The following APP variants were observed in gnomAD, a reference collection of about 807,000 sequenced individuals.
APP encodes the protein amyloid beta precursor protein.
APP carries 31 observed loss-of-function variants against 101.4 expected under a neutral mutation model. The observed-to-expected ratio is 0.31, with a 90% CI of 0.23 to 0.41. The LOEUF (loss-of-function observed/expected upper bound fraction) is 0.41. Ranked by LOEUF, APP falls within the 10% of genes least tolerant of loss-of-function variation. The pLI, the probability that APP is intolerant of heterozygous loss-of-function variation, is 1.00. For synonymous variants in APP, 366 were observed against 364.4 expected (o/e 1.00, Z -0.05); for missense variants, 839 against 1,003.7 (o/e 0.84, Z 2.22).
At position 26,021,887 on chromosome 21, in the gene APP, G is replaced by A; in HGVS notation, c.818C>T (p.Ala273Val). Residue 273 changes from alanine to valine, a missense_variant, in exon 6 of 18, where the codon GCC becomes GTC. Coordinates refer to ENST00000346798, the MANE Select transcript of APP (RefSeq NM_000484.4). ...EEATERTTSIATTTTTTTESV... is the reference protein window; with the variant it reads ...EEATERTTSIVTTTTTTTESV... ...CTCTGTGGTGGTGGTGGTGGTGGTG[G>A]CAATGCTGGTGGTTCTCTCTGTGGC... 1 of 1,613,530 alleles carries A rather than the reference G, an allele frequency of 6.2e-7. No homozygotes were observed. Among genetic ancestry groups the A allele is most frequent in the Non-Finnish European group, 8.5e-7 (1 of 1,179,796 alleles).
At chr21:26,007,801 A>G (rs1191695037) in intron 6 of APP, among the ~76,000 whole-genome samples, 1 of 152,220 alleles carries the variant, frequency 6.6e-6, no homozygotes, top group Non-Finnish European at 1.5e-5. Flanking sequence ...ATAGAAAAGA[A>G]CATTTTTCAA....
intron 1 of APP, among the ~76,000 whole-genome samples, chr21:26,117,521 G>A (rs1287087275): frequency 6.6e-6 from 1 of 152,188 alleles, no homozygotes; most frequent in Non-Finnish European, 1.5e-5. Context: ...CCATAAGAGG[G>A]AGGAAAGGGC....
chr21:25,952,126 A>C (rs2146477662), intron 13 of APP, among the ~76,000 whole-genome samples: 1 of 151,060 alleles, frequency 6.6e-6, no homozygotes, highest in Non-Finnish European at 1.5e-5. Flanking sequence ...TATATTTAGA[A>C]TGATATATAT....
At chr21:25,914,705 C>T (rs562226186) in intron 13 of APP, among the ~76,000 whole-genome samples, 17 of 152,254 alleles carry the variant, frequency 1.1e-4, no homozygotes, top group South Asian at 6.2e-4. Flanking sequence ...AGGCGCCCGC[C>T]ACCACGCCCG....
intron 8 of APP, among the ~76,000 whole-genome samples, chr21:25,985,654 C>T (rs2042610168): frequency 6.6e-6 from 1 of 152,136 alleles, no homozygotes; most frequent in Non-Finnish European, 1.5e-5. Context: ...TGAGTCAATT[C>T]TGCAGAATCA....
At chr21:26,134,395 T>G (rs985096080) in intron 1 of APP, among the ~76,000 whole-genome samples, 2 of 152,182 alleles carry the variant, frequency 1.3e-5, no homozygotes, top group African/African-American at 4.8e-5. Flanking sequence ...CCAGACCCCT[T>G]ACTTCGTTTT....
chr21:25,944,335 C>T (rs1482703384), intron 13 of APP, among the ~76,000 whole-genome samples: 1 of 152,186 alleles, frequency 6.6e-6, no homozygotes, highest in Non-Finnish European at 1.5e-5. Context: ...ACCAAGTCAA[C>T]ATTCCTTTGG....
At chr21:26,108,308 A>C (rs2062230471) in intron 2 of APP, among the ~76,000 whole-genome samples, 1 of 152,274 alleles carries the variant, frequency 6.6e-6, no homozygotes, top group African/African-American at 2.4e-5. Context: ...TTCAATGTTA[A>C]ACCTATATAA....
chr21:25,898,442 T>G lies in APP; in HGVS notation c.1964-769A>C, dbSNP rs111319107. 5.2e-3 allele frequency among the ~76,000 whole-genome samples: 796 copies of G among 152,196 alleles called. 9 individuals carry two copies. The highest frequency in any genetic ancestry group is 0.018 in the African/African-American group (745 of 41,532). ...CAGAGTCATTTAAAAACCAAAAACA[T>G]AAGTAAAAAATGTAAATGTCAGTGT... On this transcript the variant is annotated intron_variant, in intron 15 of 17. Transcript: ENST00000346798.
At chr21:26,044,226 C>T (rs1180905663) in intron 5 of APP, among the ~76,000 whole-genome samples, 1 of 152,204 alleles carries the variant, frequency 6.6e-6, no homozygotes, top group South Asian at 2.1e-4. Flanking sequence ...CAGGAGTTTG[C>T]AGCTGTAATG....
intron 6 of APP, chr21:26,009,953 A>T (rs1265070762): frequency 1.4e-5 from 2 of 141,106 alleles, no homozygotes; most frequent in Non-Finnish European, 3.1e-5. Context: ...GTTCCGGTTT[A>T]AAAAAAAAAA....
At chr21:26,038,422 T>C (rs979995833) in intron 5 of APP, among the ~76,000 whole-genome samples, 3 of 152,144 alleles carry the variant, frequency 2.0e-5, no homozygotes, top group Non-Finnish European at 4.4e-5. Flanking sequence ...GGAGAGTCTT[T>C]GTATTCGACA....
At chr21:25,912,220 C>T (rs2039111909) in intron 13 of APP, among the ~76,000 whole-genome samples, 4 of 152,202 alleles carry the variant, frequency 2.6e-5, no homozygotes, top group South Asian at 4.1e-4. Context: ...GCATGGCAGC[C>T]GGCCAATGTG....
intron 9 of APP, among the ~76,000 whole-genome samples, chr21:25,981,864 T>C (rs891841636): frequency 5.9e-5 from 9 of 152,158 alleles, no homozygotes; most frequent in African/African-American, 1.9e-4. Context: ...TATTCCACTA[T>C]GTATCACTTA....
intron 9 of APP, among the ~76,000 whole-genome samples, chr21:25,977,234 A>G (rs1005018130): frequency 1.3e-5 from 2 of 152,230 alleles, no homozygotes; most frequent in African/African-American, 2.4e-5. Flanking sequence ...TTGTTCAAAG[A>G]AAATATTAAC....
At chr21:26,063,785 T>G (rs2046360007) in intron 3 of APP, among the ~76,000 whole-genome samples, 1 of 152,190 alleles carries the variant, frequency 6.6e-6, no homozygotes, top group South Asian at 2.1e-4. Context: ...GAAGCATAAT[T>G]CTCTGCTCCT....
chr21:25,918,859 C>G (rs1370257585), intron 13 of APP, among the ~76,000 whole-genome samples: 14 of 148,794 alleles, frequency 9.4e-5, no homozygotes, highest in South Asian at 4.4e-4. Context: ...CCGGGAAGCT[C>G]GAACTGGGTG....
At chr21:26,152,644 T>G (rs1436113786) in intron 1 of APP, among the ~76,000 whole-genome samples, 1 of 152,190 alleles carries the variant, frequency 6.6e-6, no homozygotes, top group African/African-American at 2.4e-5. Context: ...TGTAATTCTT[T>G]CCCAATTCCA....
chr21:25,931,167 A>T (rs528714776), intron 13 of APP, among the ~76,000 whole-genome samples: 4 of 152,210 alleles, frequency 2.6e-5, no homozygotes, highest in Non-Finnish European at 4.4e-5. Context: ...TTACTATTAC[A>T]AGTGTTATGG....
Sources: allele counts gnomAD v4.1 joint callset (sites outside exome capture counted in the v4.1 genomes callset), GRCh38; gene constraint gnomAD v4.1.1; transcripts MANE v1.5; gene names NCBI Gene and HGNC (gene_info 2026-07-23, HGNC 2026-07-21).